The following RHOQ variants were observed in gnomAD, a reference collection of about 807,000 sequenced individuals.
RHOQ encodes ras homolog family member Q.
RHOQ carries 7 observed loss-of-function variants against 25.8 expected under a neutral mutation model. That is an observed-to-expected ratio of 0.27 (90% CI 0.15 to 0.51). The LOEUF is 0.51. Ranked by LOEUF, RHOQ falls within the 20% of genes least tolerant of loss-of-function variation. The probability of loss-of-function intolerance (pLI) is 0.97; values close to 1 mark genes in which losing one functional copy is unlikely to be tolerated. For synonymous variants in RHOQ, 97 were observed against 98.6 expected (o/e 0.98, Z 0.10); for missense variants, 165 against 260.6 (o/e 0.63, Z 2.53).
chr2:46,580,358 T>A (rs890130474), intron 4 of RHOQ: 1 of 152,348 alleles, frequency 6.6e-6, no homozygotes, highest in Non-Finnish European at 1.5e-5. Context: ...TTCAGGTCTC[T>A]GCTCAAATAC....
At position 46,581,507 on chromosome 2, in the gene RHOQ, T is replaced by C; in HGVS notation, c.*424T>C. On this transcript the variant is annotated 3_prime_UTR_variant, in exon 5 of 5. Coordinates refer to ENST00000238738, the MANE Select transcript of RHOQ (RefSeq NM_012249.4). ...TTGTTCTTGTATGTAAGTTGCTTTC[T>C]ATTCCAGTATATCCAGAGTGGTGAA... 1.9e-6 allele frequency: 3 copies of C among 1,611,542 alleles called. No individual in the cohort carries two copies. Among genetic ancestry groups the C allele is most frequent in the Non-Finnish European group, 2.5e-6 (3 of 1,179,544 alleles).
chr2:46,549,902 C>A (rs1337470477), intron 2 of RHOQ, among the ~76,000 whole-genome samples: 1 of 152,142 alleles, frequency 6.6e-6, no homozygotes, highest in Non-Finnish European at 1.5e-5. Flanking sequence ...TGCCTGCTAC[C>A]TTGTAGGCAT....
At position 46,547,922 on chromosome 2, in the gene RHOQ, A is replaced by G. The variant is rs891539003; in HGVS notation, c.201+4110A>G. Among the ~76,000 whole-genome samples, 5 of 152,162 alleles carry G rather than the reference A, an allele frequency of 3.3e-5. 1 individual carries two copies. The highest frequency in any genetic ancestry group is 3.3e-4 in the Admixed American group (5 of 15,282). ...CTCTCTAGCTGTGGGCTCTAGGCTGATCTCTTAATCCTTGGCAGGAAGGCA... is the reference window on the plus strand; with the variant it reads ...CTCTCTAGCTGTGGGCTCTAGGCTGGTCTCTTAATCCTTGGCAGGAAGGCA... On this transcript the variant is annotated intron_variant, in intron 2 of 4. Transcript: ENST00000238738.
chr2:46,576,985 G>A lies in RHOQ; in HGVS notation c.462+329G>A, dbSNP rs1022581219. On this transcript the variant is annotated intron_variant, in intron 4 of 4. Coordinates refer to ENST00000238738, the MANE Select transcript of RHOQ (RefSeq NM_012249.4). The surrounding 1 kb of genome is among the most constrained non-coding windows in gnomAD (Gnocchi z 5.1). ...GATATTTTCCTAAAAAGTCACATATGGAAAAAAGCATCGGAAACACGTGTC... is the reference window on the plus strand; with the variant it reads ...GATATTTTCCTAAAAAGTCACATATAGAAAAAAGCATCGGAAACACGTGTC... The A allele has an allele frequency of 9.8e-5, 19 of 193,750 alleles. No individual in the cohort carries two copies. Among genetic ancestry groups the A allele is most frequent in the Non-Finnish European group, 1.7e-4 (16 of 95,720 alleles). The allele number at this position is 193,750 out of a possible 1,614,324, so 12.0% of individuals were successfully genotyped here. A position where few individuals can be genotyped will look rare whatever the true frequency, so the allele number is the denominator to read the frequency against.
At position 46,576,627 on chromosome 2, in the gene RHOQ, G is replaced by C. The variant is rs745432428; in HGVS notation, c.433G>C (p.Val145Leu). 1 of 1,607,268 alleles carries C rather than the reference G, an allele frequency of 6.2e-7. No individual in the cohort carries two copies. The highest frequency in any genetic ancestry group is 1.3e-5 in the African/African-American group (1 of 74,614). Residue 145 changes from valine to leucine, a missense_variant, in exon 4 of 5, where the codon GTG becomes CTG. By Grantham distance (32) the Val-to-Leu change is conservative. Coordinates refer to ENST00000238738, the MANE Select transcript of RHOQ (RefSeq NM_012249.4). The surrounding 1 kb of genome is among the most constrained non-coding windows in gnomAD (Gnocchi z 5.1). The stretch of plus-strand genomic sequence containing the variant: ...TGATATGAAAGAAAAACCTATATGT[G>C]TGGAACAAGGACAGAAACTAGCAAA... ...LNDMKEKPIC[V>L]EQGQKLAKEI... is the part of the protein sequence containing the mutation.
intron 2 of RHOQ, among the ~76,000 whole-genome samples, chr2:46,544,233 T>A (rs1484053809): frequency 6.6e-6 from 1 of 152,218 alleles, no homozygotes; most frequent in Non-Finnish European, 1.5e-5. Flanking sequence ...GGAAATGGCA[T>A]CATCTAATAT....
At chr2:46,543,552 A>T (rs1572729985) in intron 1 of RHOQ, 1 of 611,532 alleles carries the variant, frequency 1.6e-6, no homozygotes, top group East Asian at 2.8e-5. Flanking sequence ...AAGGGGGTGG[A>T]CGGCTGGGGA....
At position 46,581,830 on chromosome 2, in the gene RHOQ, G is replaced by C. The variant is rs565728328; in HGVS notation, c.*747G>C. ...TAGATTTAGTTTGACGCTCCCCAAA[G>C]TGCATGAGACACATGCTAAAATTAC... On this transcript the variant is annotated 3_prime_UTR_variant, in exon 5 of 5. Coordinates refer to ENST00000238738, the MANE Select transcript of RHOQ (RefSeq NM_012249.4). 32 of 396,866 alleles carry C rather than the reference G, an allele frequency of 8.1e-5. No individual in the cohort carries two copies. Among genetic ancestry groups the C allele is most frequent in the Non-Finnish European group, 8.1e-5 (19 of 234,702 alleles). 24.6% of individuals were successfully genotyped at this position (396,866 alleles called of 1,614,324 possible).
intron 2 of RHOQ, among the ~76,000 whole-genome samples, chr2:46,573,572 G>A (rs544332000): frequency 6.6e-6 from 1 of 152,298 alleles, no homozygotes; most frequent in African/African-American, 2.4e-5. Context: ...CCTCCTTTGT[G>A]CTCACGTCTC....
chr2:46,569,286 G>C lies in RHOQ; in HGVS notation c.202-6801G>C, dbSNP rs555750670. On this transcript the variant is annotated intron_variant, in intron 2 of 4. Coordinates refer to ENST00000238738, the MANE Select transcript of RHOQ (RefSeq NM_012249.4). The surrounding 1 kb of genome is among the most constrained non-coding windows in gnomAD (Gnocchi z 4.1). ...AAGTCTTGATCCTCTGCCTTGTGGT[G>C]GTCAGCTTAGATAAAATGGAATCCT... 6.6e-6 allele frequency: 1 copy of C among 152,260 alleles called. No individual in the cohort carries two copies. The highest frequency in any genetic ancestry group is 2.4e-5 in the African/African-American group (1 of 41,542). The allele number at this position is 152,260 out of a possible 1,614,324, so 9.4% of individuals were successfully genotyped here.
At chr2:46,545,684 T>G (rs770954753) in intron 2 of RHOQ, among the ~76,000 whole-genome samples, 14 of 152,090 alleles carry the variant, frequency 9.2e-5, no homozygotes, top group Non-Finnish European at 1.2e-4. Flanking sequence ...CAGTTTGAAG[T>G]AGTTATACAC....
At chr2:46,579,364 G>A (rs936029209) in intron 4 of RHOQ, among the ~76,000 whole-genome samples, 6 of 152,180 alleles carry the variant, frequency 3.9e-5, no homozygotes, top group Non-Finnish European at 7.3e-5. Context: ...TGTCAGTCTT[G>A]TAGCTTGCAC....
chr2:46,577,589 T>C (rs1669178480), intron 4 of RHOQ, among the ~76,000 whole-genome samples: 2 of 136,100 alleles, frequency 1.5e-5, no homozygotes, highest in African/African-American at 5.6e-5. Flanking sequence ...TTTTTTTTTT[T>C]CATTTTTAGT....
intron 2 of RHOQ, among the ~76,000 whole-genome samples, chr2:46,553,422 A>G (rs1668303912): frequency 6.6e-6 from 1 of 152,208 alleles, no homozygotes; most frequent in South Asian, 2.1e-4. Flanking sequence ...ATGTGAAATA[A>G]GCACATCATG....
chr2:46,561,212 TAC>T (rs1393253660), intron 2 of RHOQ, among the ~76,000 whole-genome samples: 1 of 150,532 alleles, frequency 6.6e-6, no homozygotes, highest in Non-Finnish European at 1.5e-5. Flanking sequence ...TATGTATATA[TAC>T]CTTTGATACA....
At chr2:46,562,169 G>A (rs1210253300) in intron 2 of RHOQ, among the ~76,000 whole-genome samples, 2 of 152,034 alleles carry the variant, frequency 1.3e-5, no homozygotes, top group South Asian at 2.1e-4. Context: ...AGACTGTAGG[G>A]TCTATACCTC....
chr2:46,557,223 C>G (rs1668435817), intron 2 of RHOQ, among the ~76,000 whole-genome samples: 1 of 152,066 alleles, frequency 6.6e-6, no homozygotes, highest in South Asian at 2.1e-4. Context: ...TGAATTTATG[C>G]CTAGAAAACA....
intron 2 of RHOQ, among the ~76,000 whole-genome samples, chr2:46,575,580 C>T (rs1211698359): frequency 6.6e-6 from 1 of 152,118 alleles, no homozygotes; most frequent in Non-Finnish European, 1.5e-5. Flanking sequence ...GCTACACATC[C>T]TTACGCAAGT....
At position 46,582,212 on chromosome 2, in the gene RHOQ, G is replaced by C. The variant is rs1260785681; in HGVS notation, c.*1129G>C. The C allele has an allele frequency of 6.6e-6, 1 of 150,928 alleles. No individual in the cohort carries two copies. Among genetic ancestry groups the C allele is most frequent in the African/African-American group, 2.4e-5 (1 of 40,984 alleles). The allele number at this position is 150,928 out of a possible 1,614,324, so 9.3% of individuals were successfully genotyped here. A position where few individuals can be genotyped will look rare whatever the true frequency, so the allele number is the denominator to read the frequency against. ...CCTTTTCTCCAGCCATATTACATCA[G>C]GCTAGAAGTAATTAATGTTGATTTA... On this transcript the variant is annotated 3_prime_UTR_variant, in exon 5 of 5. Transcript: ENST00000238738.
Sources: allele counts gnomAD v4.1 joint callset (sites outside exome capture counted in the v4.1 genomes callset), GRCh38; gene constraint gnomAD v4.1.1; non-coding constraint Gnocchi (gnomAD v3.1); transcripts MANE v1.5; gene names NCBI Gene and HGNC (gene_info 2026-07-23, HGNC 2026-07-21).